DENND4C: variants seen among roughly 807,000 people sequenced by gnomAD.
The protein encoded by DENND4C is DENN domain-containing protein 4C.
In DENND4C, 108 loss-of-function variants were observed where a neutral mutation model predicts 203.0. That is an observed-to-expected ratio of 0.53 (90% confidence interval 0.46 to 0.62). The LOEUF (loss-of-function observed/expected upper bound fraction) is 0.62. DENND4C is among the 20% of genes least tolerant of loss of function. The pLI, the probability that DENND4C is intolerant of heterozygous loss-of-function variation, is 0.00. For missense variants in DENND4C, 2,481 were observed against 2,301.2 expected (o/e 1.08, Z -1.60); for synonymous variants, 871 against 792.4 (o/e 1.10, Z -1.67).
At chr9:19,313,059 TTC>T (rs149941662) in intron 10 of DENND4C, among the ~76,000 whole-genome samples, 3,223 of 152,272 alleles carry the variant, frequency 0.021, 116 homozygotes, top group African/African-American at 0.073. Context: ...TGTTATTCTT[TTC>T]TCTCTTTCAG....
chr9:19,345,606 T>G (rs1822699473), intron 22 of DENND4C, among the ~76,000 whole-genome samples: 1 of 152,234 alleles, frequency 6.6e-6, no homozygotes, highest in Non-Finnish European at 1.5e-5. Context: ...ATGGAAGAGA[T>G]TCTTTCTTTT....
intron 20 of DENND4C, among the ~76,000 whole-genome samples, chr9:19,340,497 A>G (rs1310660794): frequency 6.6e-6 from 1 of 152,008 alleles, no homozygotes; most frequent in Non-Finnish European, 1.5e-5. Context: ...GCAGAAGTGT[A>G]TTCTATCTCC....
intron 9 of DENND4C, among the ~76,000 whole-genome samples, chr9:19,301,841 G>A (rs950568590): frequency 2.0e-5 from 3 of 152,162 alleles, no homozygotes; most frequent in Middle Eastern, 3.2e-3. Context: ...GGAGGCTGAG[G>A]CAGGAAAATC....
At chr9:19,322,097 C>CA (rs1435294503) in intron 12 of DENND4C, among the ~76,000 whole-genome samples, 6 of 151,858 alleles carry the variant, frequency 4.0e-5, no homozygotes, top group African/African-American at 2.4e-5. Flanking sequence ...GGAGGGGGCA[C>CA]AAAAAACATG....
intron 1 of DENND4C, among the ~76,000 whole-genome samples, chr9:19,255,694 C>A (rs1441644293): frequency 6.6e-6 from 1 of 151,856 alleles, no homozygotes; most frequent in Non-Finnish European, 1.5e-5. Flanking sequence ...AATGTTTATG[C>A]CTTTAATAAC....
intron 5 of DENND4C, among the ~76,000 whole-genome samples, chr9:19,294,487 A>G (rs908897372): frequency 6.6e-6 from 1 of 152,210 alleles, no homozygotes; most frequent in Non-Finnish European, 1.5e-5. Flanking sequence ...AGCTCCTCCA[A>G]AAGTTAAACT....
chr9:19,316,465 G>T lies in DENND4C; in HGVS notation c.1536G>T (p.Pro512=). The change falls in exon 11 of 33, where the codon CCG becomes CCT. Residue 512 remains proline, a synonymous_variant. Transcript: ENST00000434457. ...NMNWKQLPKK[P]CKNLLSTLKK... The stretch of plus-strand genomic sequence containing the variant: ...ACTGGAAGCAACTTCCCAAAAAGCC[G>T]TGCAAAAATCTACTTAGCACCTTAA... The T allele has an allele frequency of 6.2e-7, 1 of 1,613,756 alleles. No homozygotes were observed.
chr9:19,270,914 A>G (rs1831513453), intron 1 of DENND4C, among the ~76,000 whole-genome samples: 3 of 152,242 alleles, frequency 2.0e-5, no homozygotes, highest in African/African-American at 7.2e-5. Flanking sequence ...TGTAAAAATC[A>G]ATTGTATTTC....
At chr9:19,361,242 T>C (rs181735850) in intron 29 of DENND4C, among the ~76,000 whole-genome samples, 147 of 152,288 alleles carry the variant, frequency 9.7e-4, no homozygotes, top group African/African-American at 3.5e-3. Context: ...ATATTATCCA[T>C]ATTTTTCAGA....
intron 22 of DENND4C, among the ~76,000 whole-genome samples, chr9:19,345,112 C>T (rs968359827): frequency 1.3e-5 from 2 of 152,178 alleles, no homozygotes; most frequent in African/African-American, 4.8e-5. Flanking sequence ...ACATTCAGTC[C>T]ATAACAGGTA....
chr9:19,237,666 T>G (rs539199288), intron 1 of DENND4C, among the ~76,000 whole-genome samples: 1 of 152,334 alleles, frequency 6.6e-6, no homozygotes, highest in Non-Finnish European at 1.5e-5. Context: ...AGGATTTTCT[T>G]TATACACAAT....
At chr9:19,318,545 T>G (rs911601926) in intron 12 of DENND4C, among the ~76,000 whole-genome samples, 1 of 152,176 alleles carries the variant, frequency 6.6e-6, no homozygotes, top group African/African-American at 2.4e-5. Flanking sequence ...GCGGATTTGT[T>G]TGCTGGGGCT....
chr9:19,266,767 T>G (rs1178810977), intron 1 of DENND4C, among the ~76,000 whole-genome samples: 1 of 152,226 alleles, frequency 6.6e-6, no homozygotes, highest in Non-Finnish European at 1.5e-5. Context: ...GAAAACTGGC[T>G]AGCCGTATGT....
In DENND4C at chr9:19,316,601, G is replaced by GT; in HGVS notation, c.1589-15dup. The GT allele has an allele frequency of 6.2e-7, 1 of 1,609,030 alleles. No homozygotes were observed. ...TAAATTTAACATAATACCATTTTCT[G>GT]TTTTTATTTCCTTTGTTAGTTCACC... On this transcript the variant is annotated intron_variant, in intron 11 of 32. Coordinates refer to ENST00000434457, the MANE Select transcript of DENND4C (RefSeq NM_001330640.2).
chr9:19,347,080 T>C lies in DENND4C; in HGVS notation c.4311T>C (p.Asp1437=), dbSNP rs766760068. ...TTGCGTCTGCCTACAGCTACTCAGA[T>C]GATGAGGTAAGAAAGCTTTATGTGT... is the stretch of plus-strand genomic sequence containing the variant. The part of the protein sequence containing the change: ...VAVASAYSYS[D]DEEETNRDYS... Residue 1437 remains aspartate (D), a synonymous_variant, in exon 23 of 33, where the codon GAT becomes GAC. Transcript: ENST00000434457. 1 of 1,612,416 alleles carries C rather than the reference T, an allele frequency of 6.2e-7. No individual in the cohort carries two copies. Among genetic ancestry groups the C allele is most frequent in the South Asian group, 1.1e-5 (1 of 91,026 alleles).
chr9:19,281,592 T>C (rs1834049790), intron 2 of DENND4C, among the ~76,000 whole-genome samples: 1 of 152,234 alleles, frequency 6.6e-6, no homozygotes, highest in African/African-American at 2.4e-5. Flanking sequence ...TACTTTTCTC[T>C]AGAAAAGATG....
chr9:19,348,312 C>T (rs1823352764), intron 23 of DENND4C, among the ~76,000 whole-genome samples: 1 of 152,128 alleles, frequency 6.6e-6, no homozygotes, highest in South Asian at 2.1e-4. Flanking sequence ...AGAGTCCATG[C>T]TCTTACCTTA....
At chr9:19,343,531 A>G (rs1312257831) in intron 22 of DENND4C, among the ~76,000 whole-genome samples, 6 of 152,226 alleles carry the variant, frequency 3.9e-5, no homozygotes, top group African/African-American at 1.4e-4. Context: ...TCTTAAACCA[A>G]TGTAAAAGTA....
chr9:19,321,141 C>A (rs553437337), intron 12 of DENND4C, among the ~76,000 whole-genome samples: 1 of 152,182 alleles, frequency 6.6e-6, no homozygotes, highest in African/African-American at 2.4e-5. Flanking sequence ...AAAAGTCACT[C>A]TTTGAAATGT....
Sources: allele counts gnomAD v4.1 joint callset (sites outside exome capture counted in the v4.1 genomes callset), GRCh38; gene constraint gnomAD v4.1.1; transcripts MANE v1.5; gene names NCBI Gene and HGNC (gene_info 2026-07-23, HGNC 2026-07-21).